The following UTY variants were observed in gnomAD, a reference collection of about 807,000 sequenced individuals.
UTY encodes ubiquitously transcribed tetratricopeptide repeat containing, Y-linked.
Under a neutral mutation model 32.5 loss-of-function variants are expected in UTY, and 12 were observed. The ratio of observed to expected loss-of-function variants is 0.37; its 90% CI spans 0.24 to 0.60. The LOEUF is 0.60. Ranked by LOEUF, UTY falls within the 20% of genes least tolerant of loss-of-function variation. The probability of loss-of-function intolerance (pLI) is 0.69; values close to 1 mark genes in which losing one functional copy is unlikely to be tolerated. For missense variants in UTY, 303 were observed against 299.2 expected, an observed-to-expected ratio of 1.01 and a Z score of -0.09; for synonymous variants, 131 against 103.4, an observed-to-expected ratio of 1.27 and a Z score of -1.62.
chrY:13,433,529 GA>G (rs2074240393), intron 4 of UTY, among the ~76,000 whole-genome samples: 2 of 33,680 alleles, frequency 5.9e-5, no homozygotes, highest in Admixed American at 5.4e-4. Flanking sequence ...CAAAATAGTA[GA>G]TGAAAACGTC....
chrY:13,409,548 G>A (rs1010296491), intron 6 of UTY, among the ~76,000 whole-genome samples: 2 of 33,889 alleles, frequency 5.9e-5, no homozygotes, highest in Admixed American at 2.7e-4. Flanking sequence ...GCAAGTCTGC[G>A]TTGGCCAGAC....
chrY:13,449,047 T>C lies in UTY; in HGVS notation c.345A>G (p.Arg115=). Residue 115 remains arginine, a synonymous_variant, in exon 4 of 30, where the codon AGA becomes AGG. Transcript: ENST00000545955. ...DYSKALSAYQ[R]YYSLQADYWK... ...AGTAGTCAGCCTGTAAACTGTAATA[T>C]CTCTGATATGCAGATAATGCTGGAA... The C allele has an allele frequency of 2.6e-6, 1 of 383,089 alleles. No homozygotes were observed.
chrY:13,371,693 CTTGA>C (rs2064949297), intron 8 of UTY, among the ~76,000 whole-genome samples: 1 of 32,454 alleles, frequency 3.1e-5, no homozygotes. Flanking sequence ...TAGTTGCTAT[CTTGA>C]TTATCAGCTT....
intron 6 of UTY, among the ~76,000 whole-genome samples, chrY:13,398,451 C>A: frequency 3.0e-5 from 1 of 33,146 alleles, no homozygotes; most frequent in Non-Finnish European, 7.4e-5. Flanking sequence ...AACTTAAGGG[C>A]TAAAACTATT....
chrY:13,454,893 A>T, intron 3 of UTY, among the ~76,000 whole-genome samples: 1 of 23,972 alleles, frequency 4.2e-5, no homozygotes. Flanking sequence ...GTCAGATCAC[A>T]CCACTTCATT....
rs16980601 is a variant in UTY, at chrY:13,303,235, A to G, written c.3566-244T>C. Among the ~76,000 whole-genome samples, 1,042 of 33,679 alleles carry G rather than the reference A, an allele frequency of 0.031. No homozygotes were observed. In the East Asian group the frequency reaches 0.77, roughly 25 times the overall value. The allele number at this position is 33,679 out of a possible 37,273, so 90.4% of individuals were successfully genotyped here. On this transcript the variant is annotated intron_variant, in intron 24 of 29. Coordinates refer to ENST00000545955, the MANE Select transcript of UTY (RefSeq NM_001258249.2). The stretch of plus-strand genomic sequence containing the variant: ...AGAAAGGTATAGTGTTCAAAATGTA[A>G]CCTGTCTCCTACCACTCTTGGCTCC...
At chrY:13,472,139 T>C (rs2078559231) in intron 2 of UTY, among the ~76,000 whole-genome samples, 1 of 32,203 alleles carries the variant, frequency 3.1e-5, no homozygotes, top group Admixed American at 2.9e-4. Flanking sequence ...CAAATATACT[T>C]AATGAATTAA....
At position 13,374,972 on chromosome Y, in the gene UTY, C is replaced by T. The variant is rs557649147; in HGVS notation, c.646-5623G>A. Among the ~76,000 whole-genome samples, 102 of 34,150 alleles carry T rather than the reference C, an allele frequency of 3.0e-3. No individual in the cohort carries two copies. The Middle Eastern group carries it at 0.054, about 18-fold the overall frequency. The allele number at this position is 34,150 out of a possible 37,273, so 91.6% of individuals were successfully genotyped here. ...AGGGAATAAACTGCTCCCAAGAATA[C>T]CATTCGTTTTCTTATTTGCAGAATT... On this transcript the variant is annotated intron_variant, in intron 8 of 29. Coordinates refer to ENST00000545955, the MANE Select transcript of UTY (RefSeq NM_001258249.2).
At chrY:13,443,923 T>C in intron 4 of UTY, among the ~76,000 whole-genome samples, 1 of 33,734 alleles carries the variant, frequency 3.0e-5, no homozygotes, top group African/African-American at 1.2e-4. Context: ...AAATGGAATA[T>C]AAACTAGAAA....
intron 8 of UTY, among the ~76,000 whole-genome samples, chrY:13,378,213 C>G (rs2065623026): frequency 3.0e-5 from 1 of 33,115 alleles, no homozygotes; most frequent in African/African-American, 1.2e-4. Flanking sequence ...CACTAGATGT[C>G]ACATGTGCAT....
At chrY:13,478,800 C>G (rs749662963) in intron 2 of UTY, among the ~76,000 whole-genome samples, 3 of 33,625 alleles carry the variant, frequency 8.9e-5, no homozygotes, top group East Asian at 1.5e-3. Flanking sequence ...CTACTGCAAA[C>G]TCTTCACCGC....
intron 21 of UTY, among the ~76,000 whole-genome samples, chrY:13,319,662 C>A: frequency 2.7e-4 from 9 of 33,774 alleles, no homozygotes; most frequent in Non-Finnish European, 5.2e-4. Flanking sequence ...ACAAGACTAG[C>A]ATATGTGCCC....
At chrY:13,424,278 C>T (rs774792634) in intron 4 of UTY, among the ~76,000 whole-genome samples, 29 of 32,829 alleles carry the variant, frequency 8.8e-4, no homozygotes, top group African/African-American at 3.5e-3. Flanking sequence ...TGGAGGGGCA[C>T]GTCTATAGTC....
intron 5 of UTY, among the ~76,000 whole-genome samples, chrY:13,413,869 C>A: frequency 2.9e-5 from 1 of 34,043 alleles, no homozygotes; most frequent in Admixed American, 2.6e-4. Context: ...GAAATCTGAG[C>A]GGGTACCATG....
intron 15 of UTY, among the ~76,000 whole-genome samples, chrY:13,356,377 G>A: frequency 3.3e-5 from 1 of 30,487 alleles, no homozygotes; most frequent in Non-Finnish European, 8.0e-5. Context: ...GGACGCTCTC[G>A]ATCTCCTGAC....
At chrY:13,469,608 A>C in intron 3 of UTY, among the ~76,000 whole-genome samples, 1 of 33,523 alleles carries the variant, frequency 3.0e-5, no homozygotes. Flanking sequence ...ATTCCTTTAG[A>C]GTAACACACT....
At chrY:13,252,654 C>A (rs756004674) in intron 28 of UTY, among the ~76,000 whole-genome samples, 1 of 33,983 alleles carries the variant, frequency 2.9e-5, no homozygotes, top group South Asian at 6.4e-4. Context: ...TGTGGGTTTA[C>A]AGGAATGAGG....
intron 6 of UTY, among the ~76,000 whole-genome samples, chrY:13,403,060 T>A: frequency 3.0e-5 from 1 of 32,939 alleles, no homozygotes; most frequent in Non-Finnish European, 7.4e-5. Flanking sequence ...AAGTAGTTAT[T>A]TCAGACAATT....
intron 4 of UTY, among the ~76,000 whole-genome samples, chrY:13,424,644 G>A (rs1358758809): frequency 6.2e-5 from 2 of 32,186 alleles, no homozygotes. Context: ...TTGAACCCGG[G>A]GGGCAGAGCT....
Sources: gnomAD v4.1 joint callset for allele counts (sites outside exome capture counted in the v4.1 genomes callset) on GRCh38, gnomAD v4.1.1 for gene constraint, MANE v1.5 for transcripts, NCBI Gene and HGNC (gene_info 2026-07-23, HGNC 2026-07-21) for gene names.